SLC35F4: variants seen among roughly 807,000 people sequenced by gnomAD.
SLC35F4 encodes solute carrier family 35 member F4, also known as chromosome 14 open reading frame 36.
SLC35F4 carries 24 observed loss-of-function variants against 44.2 expected under a neutral mutation model. The ratio of observed to expected loss-of-function variants is 0.54; its 90% CI spans 0.39 to 0.76. The LOEUF is 0.76. SLC35F4 is among the 30% of genes least tolerant of loss of function. The pLI, the probability that SLC35F4 is intolerant of heterozygous loss-of-function variation, is 0.00. For missense variants in SLC35F4, 562 were observed against 586.1 expected, an observed-to-expected ratio of 0.96 and a Z score of 0.42; for synonymous variants, 238 against 223.6, an observed-to-expected ratio of 1.06 and a Z score of -0.57.
intron 1 of SLC35F4, chr14:57,596,829 C>T: frequency 7.3e-7 from 1 of 1,367,686 alleles, no homozygotes; most frequent in South Asian, 1.1e-5. Flanking sequence ...TACCGCAAAG[C>T]CCATTGCCTG....
chr14:57,927,459 T>G (rs1328192761), intron 1 of SLC35F4, among the ~76,000 whole-genome samples: 1 of 148,960 alleles, frequency 6.7e-6, no homozygotes, highest in Non-Finnish European at 1.5e-5. Context: ...AGTGACTAGG[T>G]GGTTTGAGTT....
intron 1 of SLC35F4, among the ~76,000 whole-genome samples, chr14:57,702,205 A>G (rs1450575087): frequency 6.6e-6 from 1 of 152,150 alleles, no homozygotes; most frequent in African/African-American, 2.4e-5. Context: ...AACACTGTGA[A>G]GTAATCCTCT....
intron 1 of SLC35F4, among the ~76,000 whole-genome samples, chr14:57,708,570 G>A (rs1324712395): frequency 1.3e-5 from 2 of 152,228 alleles, no homozygotes; most frequent in Non-Finnish European, 2.9e-5. Context: ...AGGCTGAGGT[G>A]TTCTCAGTTG....
intron 5 of SLC35F4, 63 bp downstream of exon 5, chr14:57,571,827 TCTTA>T: frequency 5.8e-6 from 9 of 1,549,386 alleles, no homozygotes; most frequent in South Asian, 2.4e-5. Flanking sequence ...CATCGTACTT[TCTTA>T]CTTTAGTACT....
chr14:57,748,408 C>T (rs1280065685), intron 1 of SLC35F4, among the ~76,000 whole-genome samples: 3 of 152,068 alleles, frequency 2.0e-5, no homozygotes, highest in Admixed American at 6.6e-5. Flanking sequence ...CCTCACACTA[C>T]CCTTTTATAG....
At chr14:57,687,432 C>G (rs940377855) in intron 1 of SLC35F4, among the ~76,000 whole-genome samples, 4 of 152,150 alleles carry the variant, frequency 2.6e-5, no homozygotes, top group Non-Finnish European at 5.9e-5. Flanking sequence ...TAAATAGCTG[C>G]TATTTGAACA....
intron 1 of SLC35F4, among the ~76,000 whole-genome samples, chr14:57,607,434 C>T (rs2071227025): frequency 6.6e-6 from 1 of 152,300 alleles, no homozygotes; most frequent in East Asian, 1.9e-4. Flanking sequence ...AAACAACCAG[C>T]ATCAGTTTGT....
chr14:57,847,758 A>G (rs1428847114), intron 1 of SLC35F4, among the ~76,000 whole-genome samples: 2 of 152,232 alleles, frequency 1.3e-5, no homozygotes, highest in African/African-American at 4.8e-5. Context: ...ATGTTGTGAC[A>G]TCTAAAGTAG....
intron 1 of SLC35F4, among the ~76,000 whole-genome samples, chr14:57,948,225 G>T (rs561389186): frequency 6.6e-6 from 1 of 152,106 alleles, no homozygotes; most frequent in Admixed American, 6.5e-5. Context: ...TTATTGGTCT[G>T]TCCCGTGTTT....
chr14:57,581,977 A>G (rs1367828477), intron 3 of SLC35F4, among the ~76,000 whole-genome samples: 1 of 152,236 alleles, frequency 6.6e-6, no homozygotes, highest in Non-Finnish European at 1.5e-5. Flanking sequence ...TTAAGGCAGA[A>G]AAATGAAGTC....
intron 1 of SLC35F4, among the ~76,000 whole-genome samples, chr14:57,817,665 A>T (rs1043778478): frequency 6.6e-6 from 1 of 151,890 alleles, no homozygotes; most frequent in Non-Finnish European, 1.5e-5. Flanking sequence ...TGCAGTGGGG[A>T]TAGGGGAGGA....
chr14:57,683,850 A>C lies in SLC35F4; in HGVS notation c.104-89726T>G, dbSNP rs1277789858. On this transcript the variant is annotated intron_variant, in intron 1 of 7. Coordinates refer to ENST00000556826, the MANE Select transcript of SLC35F4 (RefSeq NM_001306087.2). ...CCTCTGATCTCTCTTCTATCCACCC[A>C]AGCCCAACTCCTCTGGGGTTGGGGT... Among the ~76,000 whole-genome samples, 6 of 152,116 alleles carry C rather than the reference A, an allele frequency of 3.9e-5. No individual in the cohort carries two copies. The East Asian group carries it at 9.7e-4, about 25-fold the overall frequency.
chr14:57,967,796 T>C (rs1880919082), intron 1 of SLC35F4, among the ~76,000 whole-genome samples: 3 of 152,170 alleles, frequency 2.0e-5, no homozygotes, highest in Non-Finnish European at 4.4e-5. Flanking sequence ...CAAGAAGTCA[T>C]CAACTTCAAT....
chr14:57,871,171 C>A (rs1888290171), intron 1 of SLC35F4, among the ~76,000 whole-genome samples: 1 of 152,110 alleles, frequency 6.6e-6, no homozygotes, highest in Admixed American at 6.5e-5. Flanking sequence ...CTGGTGCCTC[C>A]CAGCTTGTCC....
At chr14:57,878,724 G>A (rs766453755) in intron 1 of SLC35F4, among the ~76,000 whole-genome samples, 5 of 151,984 alleles carry the variant, frequency 3.3e-5, no homozygotes, top group African/African-American at 7.2e-5. Flanking sequence ...AAGGACAACC[G>A]CATTTTTTTT....
At chr14:57,652,887 C>A (rs757874269) in intron 1 of SLC35F4, among the ~76,000 whole-genome samples, 4 of 152,182 alleles carry the variant, frequency 2.6e-5, no homozygotes, top group Non-Finnish European at 5.9e-5. Flanking sequence ...GCTGATGGTT[C>A]ATCTTGCAAT....
Position 57,793,328 on chromosome 14 carries a change from G to A in SLC35F4, c.103+72395C>T, listed in dbSNP as rs568031206. ...TGAAACTGTACAGTGGTGAAGACTGGGCTTTTAGTGCACCCATCACCTGAA... is the reference window on the plus strand; with the variant it reads ...TGAAACTGTACAGTGGTGAAGACTGAGCTTTTAGTGCACCCATCACCTGAA... On this transcript the variant is annotated intron_variant, in intron 1 of 7. Transcript: ENST00000556826. Among the ~76,000 whole-genome samples, 3 of 151,900 alleles carry A rather than the reference G, an allele frequency of 2.0e-5. No homozygotes were observed. The South Asian group carries it at 6.2e-4, about 32-fold the overall frequency.
chr14:57,878,549 C>T (rs952452432), intron 1 of SLC35F4, among the ~76,000 whole-genome samples: 1 of 152,126 alleles, frequency 6.6e-6, no homozygotes, highest in African/African-American at 2.4e-5. Context: ...GGCTTTCTCA[C>T]CTCTGGATTT....
intron 1 of SLC35F4, among the ~76,000 whole-genome samples, chr14:57,751,467 G>A (rs1433376698): frequency 6.6e-6 from 1 of 152,120 alleles, no homozygotes; most frequent in Non-Finnish European, 1.5e-5. Context: ...ATCCACAAAT[G>A]TTCTACTATG....
Sources: allele counts gnomAD v4.1 joint callset (sites outside exome capture counted in the v4.1 genomes callset), GRCh38; gene constraint gnomAD v4.1.1; transcripts MANE v1.5; gene names NCBI Gene and HGNC (gene_info 2026-07-23, HGNC 2026-07-21).